The following COTL1 variants were observed in gnomAD, a reference collection of about 807,000 sequenced individuals.
COTL1 encodes coactosin-like protein.
A neutral mutation model predicts 16.5 loss-of-function variants in COTL1; 15 were observed. The observed-to-expected ratio is 0.91, with a 90% CI of 0.61 to 1.40. The LOEUF (loss-of-function observed/expected upper bound fraction) is 1.40, where lower values mean the gene tolerates loss of function less well. COTL1 is among the 40% of genes most tolerant of loss of function. The probability of loss-of-function intolerance (pLI) is 0.00; values close to 1 mark genes in which losing one functional copy is unlikely to be tolerated. For missense variants in COTL1, 220 were observed against 201.5 expected, an observed-to-expected ratio of 1.09 and a Z score of -0.56; for synonymous variants, 112 against 85.3, an observed-to-expected ratio of 1.31 and a Z score of -1.73.
intron 3 of COTL1, among the ~76,000 whole-genome samples, chr16:84,582,752 A>T (rs371899050): frequency 3.4e-4 from 51 of 151,798 alleles, no homozygotes; most frequent in African/African-American, 1.2e-3. Context: ...TAATCATTCC[A>T]ACCACTCTGT....
intron 1 of COTL1, 36 bp from the exon 2 acceptor site, chr16:84,617,619 A>G: frequency 6.6e-7 from 1 of 1,524,094 alleles, no homozygotes; most frequent in Non-Finnish European, 8.9e-7. Flanking sequence ...ACACACACAC[A>G]TCAGCGCTGG....
intron 2 of COTL1, among the ~76,000 whole-genome samples, chr16:84,609,291 G>A (rs541412938): frequency 6.6e-6 from 1 of 152,262 alleles, no homozygotes; most frequent in Admixed American, 6.5e-5. Context: ...CTATACTCCA[G>A]TTTTCCGTAG....
intron 3 of COTL1, among the ~76,000 whole-genome samples, chr16:84,582,838 C>T (rs1014158468): frequency 6.6e-6 from 1 of 152,094 alleles, no homozygotes; most frequent in Non-Finnish European, 1.5e-5. Flanking sequence ...AGTCCTACAC[C>T]TGTGAGCTGA....
chr16:84,584,236 C>T (rs1481287097), intron 3 of COTL1, among the ~76,000 whole-genome samples: 1 of 152,250 alleles, frequency 6.6e-6, no homozygotes, highest in Non-Finnish European at 1.5e-5. Flanking sequence ...GCATCGCAAT[C>T]GCCCTGCCCA....
chr16:84,612,741 A>G (rs777099987), intron 2 of COTL1, among the ~76,000 whole-genome samples: 3 of 152,164 alleles, frequency 2.0e-5, no homozygotes, highest in Non-Finnish European at 4.4e-5. Flanking sequence ...CCTGGGCGAC[A>G]GAGAAAAACT....
intron 3 of COTL1, among the ~76,000 whole-genome samples, chr16:84,569,524 T>C (rs1006149171): frequency 6.6e-6 from 1 of 152,160 alleles, no homozygotes; most frequent in Non-Finnish European, 1.5e-5. Context: ...GGGAGGTTAA[T>C]TTTTATCAAG....
At chr16:84,608,009 A>T (rs1012650614) in intron 2 of COTL1, among the ~76,000 whole-genome samples, 1 of 152,324 alleles carries the variant, frequency 6.6e-6, no homozygotes, top group South Asian at 2.1e-4. Context: ...CAGAAGCACA[A>T]GCGAGGGGGA....
intron 3 of COTL1, among the ~76,000 whole-genome samples, chr16:84,574,427 C>T (rs115712453): frequency 1.7e-3 from 259 of 152,306 alleles, no homozygotes; most frequent in African/African-American, 6.0e-3. Flanking sequence ...TCTGGGAACT[C>T]GGTGTCGCTC....
intron 3 of COTL1, among the ~76,000 whole-genome samples, chr16:84,574,314 C>T (rs955371584): frequency 9.2e-5 from 14 of 152,230 alleles, no homozygotes; most frequent in African/African-American, 3.1e-4. Flanking sequence ...CTCTAGACTG[C>T]CAAGCCCTCG....
chr16:84,590,312 A>C lies in COTL1; in HGVS notation c.161-50T>G. On this transcript the variant is annotated intron_variant, in intron 2 of 3. Coordinates refer to ENST00000262428, the MANE Select transcript of COTL1 (RefSeq NM_021149.5). This position sits in a 1 kb window ranked among gnomAD's most constrained non-coding sequence, Gnocchi z 5.5. ...CATGGTGCTGCGTTAAAACACCCCCATGTCATGTCCCTGGGGAGAGGCTGT... is the reference window on the plus strand; with the variant it reads ...CATGGTGCTGCGTTAAAACACCCCCCTGTCATGTCCCTGGGGAGAGGCTGT... 6.3e-7 allele frequency: 1 copy of C among 1,590,270 alleles called. No individual in the cohort carries two copies. The highest frequency in any genetic ancestry group is 8.6e-7 in the Non-Finnish European group (1 of 1,163,558).
At chr16:84,572,076 C>A (rs544888894) in intron 3 of COTL1, among the ~76,000 whole-genome samples, 1 of 152,390 alleles carries the variant, frequency 6.6e-6, no homozygotes, top group East Asian at 1.9e-4. Flanking sequence ...TCCACCTCCA[C>A]GCCTTCCAGC....
chr16:84,594,138 T>C (rs948271803), intron 2 of COTL1, among the ~76,000 whole-genome samples: 6 of 150,102 alleles, frequency 4.0e-5, no homozygotes, highest in African/African-American at 7.3e-5. Flanking sequence ...CAGCACTCCA[T>C]TGCATGGAGA....
At chr16:84,595,656 C>G (rs906251904) in intron 2 of COTL1, 2 of 152,192 alleles carry the variant, frequency 1.3e-5, no homozygotes, top group Non-Finnish European at 2.9e-5. Flanking sequence ...CACTCCTGTA[C>G]GCGGGAACAC....
chr16:84,566,096 C>T lies in COTL1; in HGVS notation c.*749G>A, dbSNP rs900518059. 4 of 152,750 alleles carry T rather than the reference C, an allele frequency of 2.6e-5. No homozygotes were observed. Among genetic ancestry groups the T allele is most frequent in the African/African-American group, 9.6e-5 (4 of 41,480 alleles). The allele number at this position is 152,750 out of a possible 1,614,324, so 9.5% of individuals were successfully genotyped here. The stretch of plus-strand genomic sequence containing the variant: ...CAGACCTTTGCCCTTCTCTGTGTCA[C>T]AAGGAAATTTCGGTCAAGAGGGTGG... On this transcript the variant is annotated 3_prime_UTR_variant, in exon 4 of 4. Coordinates refer to ENST00000262428, the MANE Select transcript of COTL1 (RefSeq NM_021149.5).
chr16:84,607,474 G>A (rs1400893941), intron 2 of COTL1, among the ~76,000 whole-genome samples: 1 of 152,184 alleles, frequency 6.6e-6, no homozygotes, highest in Non-Finnish European at 1.5e-5. Context: ...TCAGTGAAGT[G>A]GGGATAATTT....
At chr16:84,606,216 G>T (rs2150695122) in intron 2 of COTL1, among the ~76,000 whole-genome samples, 1 of 152,372 alleles carries the variant, frequency 6.6e-6, no homozygotes, top group Non-Finnish European at 1.5e-5. Flanking sequence ...GGGAGAGGAA[G>T]GTGGCGATGC....
intron 3 of COTL1, among the ~76,000 whole-genome samples, chr16:84,580,104 C>G (rs1357493251): frequency 6.6e-6 from 1 of 152,242 alleles, no homozygotes; most frequent in East Asian, 1.9e-4. Flanking sequence ...TGGCCAAGGG[C>G]TGGCACTGGT....
intron 3 of COTL1, among the ~76,000 whole-genome samples, chr16:84,588,221 A>AAAAAAT (rs372115203): frequency 2.7e-5 from 4 of 150,270 alleles, no homozygotes; most frequent in African/African-American, 9.8e-5. Flanking sequence ...TCTCTCTTAA[A>AAAAAAT]AATAATAATA....
chr16:84,601,493 T>C (rs1221989830), intron 2 of COTL1, among the ~76,000 whole-genome samples: 1 of 152,024 alleles, frequency 6.6e-6, no homozygotes, highest in Non-Finnish European at 1.5e-5. Context: ...AGTCTTGCTC[T>C]GTCACCCAGG....
Sources: gnomAD v4.1 joint callset for allele counts (sites outside exome capture counted in the v4.1 genomes callset) on GRCh38, gnomAD v4.1.1 for gene constraint, Gnocchi (gnomAD v3.1) non-coding constraint, MANE v1.5 for transcripts, NCBI Gene and HGNC (gene_info 2026-07-23, HGNC 2026-07-21) for gene names.